Variants in CHN2 observed in about 807,000 individuals in gnomAD.
CHN2 encodes beta-chimaerin.
In CHN2, 35 loss-of-function variants were observed where a neutral mutation model predicts 56.3. The observed-to-expected ratio is 0.62, with a 90% confidence interval of 0.47 to 0.82. The LOEUF (loss-of-function observed/expected upper bound fraction) is 0.82. Among genes scored for constraint, CHN2 ranks in the 40% least tolerant of loss-of-function variants. CHN2 has a pLI of 0.00. For missense variants in CHN2, 491 were observed against 580.5 expected (o/e 0.85, Z 1.58); for synonymous variants, 210 against 212.8 (o/e 0.99, Z 0.12).
chr7:29,289,953 T>C (rs2128868273), intron 1 of CHN2, among the ~76,000 whole-genome samples: 1 of 152,356 alleles, frequency 6.6e-6, no homozygotes, highest in Non-Finnish European at 1.5e-5. Context: ...TTGTGGTAAG[T>C]AAGCTCTTAC....
At chr7:29,199,743 T>C (rs1376566961) in intron 1 of CHN2, 1 of 152,198 alleles carries the variant, frequency 6.6e-6, no homozygotes, top group East Asian at 1.9e-4. Flanking sequence ...AGGAGATTTT[T>C]CTTAGCATGC....
intron 2 of CHN2, among the ~76,000 whole-genome samples, chr7:29,160,544 A>C (rs1482142063): frequency 6.6e-6 from 1 of 152,182 alleles, no homozygotes; most frequent in African/African-American, 2.4e-5. Flanking sequence ...TCAGTGAAAT[A>C]TAATGAGAAT....
chr7:29,160,943 T>C (rs1042824792), intron 2 of CHN2, among the ~76,000 whole-genome samples: 9 of 152,210 alleles, frequency 5.9e-5, no homozygotes, highest in Non-Finnish European at 1.2e-4. Context: ...ACCCCTGAGA[T>C]AATATTAAGA....
At chr7:29,498,309 G>A (rs995069671) in intron 8 of CHN2, among the ~76,000 whole-genome samples, 1 of 152,172 alleles carries the variant, frequency 6.6e-6, no homozygotes, top group Non-Finnish European at 1.5e-5. Context: ...CTATAGAAGA[G>A]GATTCAACAG....
chr7:29,174,405 C>T (rs1797000311), intron 2 of CHN2, among the ~76,000 whole-genome samples: 1 of 152,148 alleles, frequency 6.6e-6, no homozygotes, highest in South Asian at 2.1e-4. Flanking sequence ...GGAGGCTACA[C>T]CAGTACATAG....
chr7:29,508,391 C>CTTG lies in CHN2; in HGVS notation c.1130-892_1130-890dup, dbSNP rs768847314. Among the ~76,000 whole-genome samples, 105 of 144,140 alleles carry CTTG rather than the reference C, an allele frequency of 7.3e-4. 2 individuals are homozygous for CTTG. Among genetic ancestry groups the CTTG allele is most frequent in the Non-Finnish European group, 1.1e-3 (75 of 66,574 alleles). The allele number at this position is 144,140 out of a possible 152,430, so 94.6% of individuals were successfully genotyped here. ...CAAGCTCACTTTGAGGAAGTTTTTG[C>CTTG]TTGTTGTTGTTGTTGTTGTTTTTAT... is the stretch of plus-strand genomic sequence containing the variant. On this transcript the variant is annotated intron_variant, in intron 11 of 12. Transcript: ENST00000222792.
At chr7:29,457,925 C>G (rs1784885846) in intron 6 of CHN2, among the ~76,000 whole-genome samples, 1 of 152,124 alleles carries the variant, frequency 6.6e-6, no homozygotes. Context: ...ACTCAGTGGC[C>G]TCTGTTTATG....
At chr7:29,164,779 C>CAAAAAA (rs55742522) in intron 2 of CHN2, among the ~76,000 whole-genome samples, 4 of 85,876 alleles carry the variant, frequency 4.7e-5, no homozygotes, top group Non-Finnish European at 4.5e-5. Context: ...AGACCTGTCT[C>CAAAAAA]AAAAAAAAAA....
intron 1 of CHN2, among the ~76,000 whole-genome samples, chr7:29,241,263 A>G (rs1787659337): frequency 6.6e-6 from 1 of 152,018 alleles, no homozygotes; most frequent in African/African-American, 2.4e-5. Flanking sequence ...AGACAATTTG[A>G]ATGGTGACTA....
At chr7:29,306,079 C>T (rs1458566837) in intron 1 of CHN2, among the ~76,000 whole-genome samples, 1 of 152,074 alleles carries the variant, frequency 6.6e-6, no homozygotes, top group Non-Finnish European at 1.5e-5. Context: ...TCAGGATGTT[C>T]CCAATACCAT....
chr7:29,387,752 T>G, intron 3 of CHN2, among the ~76,000 whole-genome samples: 1 of 152,338 alleles, frequency 6.6e-6, no homozygotes, highest in South Asian at 2.1e-4. Flanking sequence ...TCCCTGAGGG[T>G]TTAGCCCTTC....
rs151012872 is a variant in CHN2, at chr7:29,470,501, A to G, written c.577-9778A>G. Among the ~76,000 whole-genome samples the G allele has an allele frequency of 4.0e-3, 610 of 152,326 alleles. 3 individuals carry two copies. The highest frequency in any genetic ancestry group is 0.014 in the Middle Eastern group (4 of 294). Reference sequence around the variant, plus strand: ...AATTTTGAAAACCTGTTTCATAGGTATCTTGGTTGTTTTTAACATGGGGCA... The same window carrying G: ...AATTTTGAAAACCTGTTTCATAGGTGTCTTGGTTGTTTTTAACATGGGGCA... On this transcript the variant is annotated intron_variant, in intron 6 of 12. Coordinates refer to ENST00000222792, the MANE Select transcript of CHN2 (RefSeq NM_004067.4).
intron 6 of CHN2, among the ~76,000 whole-genome samples, chr7:29,444,448 C>T (rs1056970106): frequency 6.6e-6 from 1 of 152,172 alleles, no homozygotes; most frequent in African/African-American, 2.4e-5. Flanking sequence ...AATGACCTCA[C>T]TCACCTACTT....
intron 1 of CHN2, among the ~76,000 whole-genome samples, chr7:29,271,141 G>T (rs562303993): frequency 4.2e-4 from 64 of 152,268 alleles, no homozygotes; most frequent in Admixed American, 1.4e-3. Flanking sequence ...ACTGAAAGGG[G>T]TGGAGTTGTG....
chr7:29,280,769 C>A (rs1334736761), intron 1 of CHN2, among the ~76,000 whole-genome samples: 1 of 152,124 alleles, frequency 6.6e-6, no homozygotes, highest in East Asian at 1.9e-4. Context: ...GTTCTTCATT[C>A]AAAAACCAAT....
chr7:29,180,219 G>C (rs566010802), intron 2 of CHN2, among the ~76,000 whole-genome samples: 1 of 152,188 alleles, frequency 6.6e-6, no homozygotes, highest in South Asian at 2.1e-4. Context: ...TTTAAAATGT[G>C]ATAACGTACC....
chr7:29,216,144 A>G (rs559417244), intron 1 of CHN2, among the ~76,000 whole-genome samples: 33 of 152,334 alleles, frequency 2.2e-4, no homozygotes, highest in Admixed American at 7.8e-4. Flanking sequence ...CAAAATTAAA[A>G]AAGCCAGAGG....
chr7:29,362,326 G>A (rs1407234193), intron 2 of CHN2, among the ~76,000 whole-genome samples: 1 of 152,228 alleles, frequency 6.6e-6, no homozygotes, highest in African/African-American at 2.4e-5. Context: ...TACCTTATTA[G>A]TGAGGGGAAT....
chr7:29,193,451 T>G (rs1470973221), upstream of CHN2: 2 of 152,234 alleles, frequency 1.3e-5, no homozygotes, highest in African/African-American at 4.8e-5. Context: ...AAAGTTGAAC[T>G]ACCCCAATGT....
Sources: allele counts gnomAD v4.1 joint callset (sites outside exome capture counted in the v4.1 genomes callset), GRCh38; gene constraint gnomAD v4.1.1; transcripts MANE v1.5; gene names NCBI Gene and HGNC (gene_info 2026-07-23, HGNC 2026-07-21).